The following RELB variants were observed in gnomAD, a reference collection of about 807,000 sequenced individuals.
The protein encoded by RELB is transcription factor RelB.
A neutral mutation model predicts 55.4 loss-of-function variants in RELB; 14 were observed. That is an observed-to-expected ratio of 0.25 (90% confidence interval 0.17 to 0.40). RELB has a LOEUF of 0.40. RELB is among the 10% of genes least tolerant of loss of function. RELB has a pLI of 1.00. For synonymous variants in RELB, 409 were observed against 371.3 expected, an observed-to-expected ratio of 1.10 and a Z score of -1.17; for missense variants, 669 against 830.7, an observed-to-expected ratio of 0.81 and a Z score of 2.39.
chr19:45,025,481 C>T (rs1170227998), intron 6 of RELB, 61 bp downstream of exon 6: 24 of 1,561,622 alleles, frequency 1.5e-5, no homozygotes, highest in Non-Finnish European at 2.0e-5. Flanking sequence ...CTTCCGTGCT[C>T]ACCCTGGTCC....
At position 45,018,802 on chromosome 19, in the gene RELB, G is replaced by A. The variant is rs540809690; in HGVS notation, c.505-3251G>A. 2.8e-3 allele frequency among the ~76,000 whole-genome samples: 418 copies of A among 151,232 alleles called. 2 individuals carry two copies. In the Middle Eastern group the frequency reaches 0.034, roughly 12 times the overall value. ...AGCGATTCTCCTGCCTCAGCCTCCC[G>A]AGTAGCTGGGATTACAGACATGTGC... On this transcript the variant is annotated intron_variant, in intron 4 of 11. Transcript: ENST00000221452.
chr19:45,035,850 A>G (rs1971679757), intron 11 of RELB, among the ~76,000 whole-genome samples: 1 of 152,168 alleles, frequency 6.6e-6, no homozygotes. Context: ...AAAACAGTCC[A>G]TAGGTAGGTG....
intron 11 of RELB, among the ~76,000 whole-genome samples, chr19:45,035,224 A>T: frequency 6.6e-6 from 1 of 152,176 alleles, no homozygotes; most frequent in East Asian, 1.9e-4. Flanking sequence ...CTTGTCTCAC[A>T]TACATAGTCT....
chr19:45,009,128 TG>T (rs1229738658), intron 2 of RELB, among the ~76,000 whole-genome samples: 8 of 152,188 alleles, frequency 5.3e-5, no homozygotes, highest in African/African-American at 1.9e-4. Context: ...TTGTCCAGGC[TG>T]GAGTGCAGTG....
chr19:45,028,821 G>A, intron 7 of RELB, 67 bp from the exon 8 acceptor site: 1 of 1,389,912 alleles, frequency 7.2e-7, no homozygotes, highest in South Asian at 1.2e-5. Context: ...TGGGTGCCCA[G>A]TAAGGCTTTG....
intron 11 of RELB, among the ~76,000 whole-genome samples, chr19:45,035,194 A>T (rs952189746): frequency 6.6e-6 from 1 of 152,088 alleles, no homozygotes; most frequent in Non-Finnish European, 1.5e-5. Flanking sequence ...CAGGGGCTTC[A>T]ACAGGATAGA....
rs1006722368 is a variant in RELB at position 45,012,519 on chromosome 19, G to A, written c.504+243G>A. 5.3e-5 allele frequency among the ~76,000 whole-genome samples: 8 copies of A among 152,078 alleles called. No homozygotes were observed. In the South Asian group the frequency reaches 1.7e-3, roughly 32 times the overall value. On this transcript the variant is annotated intron_variant, in intron 4 of 11. Coordinates refer to ENST00000221452, the MANE Select transcript of RELB (RefSeq NM_006509.4). ...AGTACTTTGGGAGTCTGAGGCGGGCGGATCCCTTGATGTCAGGAGTTCGAG... is the reference window on the plus strand; with the variant it reads ...AGTACTTTGGGAGTCTGAGGCGGGCAGATCCCTTGATGTCAGGAGTTCGAG...
At chr19:45,006,591 A>G (rs1254495174) in intron 2 of RELB, among the ~76,000 whole-genome samples, 1 of 152,078 alleles carries the variant, frequency 6.6e-6, no homozygotes, top group Non-Finnish European at 1.5e-5. Context: ...CCACTCTTCA[A>G]TGCTCCCAGT....
At chr19:45,030,211 G>T (rs1035980543) in intron 8 of RELB, among the ~76,000 whole-genome samples, 2 of 150,854 alleles carry the variant, frequency 1.3e-5, no homozygotes, top group Admixed American at 1.3e-4. Context: ...GGTGGCTCAT[G>T]CCTGTAATTC....
At chr19:45,010,702 G>C (rs144552550) in intron 3 of RELB, among the ~76,000 whole-genome samples, 83 of 152,208 alleles carry the variant, frequency 5.5e-4, no homozygotes, top group African/African-American at 2.0e-3. Context: ...TTTTGAGACA[G>C]AGTCTCGCTC....
At chr19:45,009,909 G>A in intron 3 of RELB, 87 bp downstream of exon 3, 6 of 1,294,820 alleles carry the variant, frequency 4.6e-6, no homozygotes, top group Non-Finnish European at 6.6e-6. Context: ...TTCAGTGGGG[G>A]TGGGGGAGAG....
chr19:45,020,044 C>T (rs1971464637), intron 4 of RELB, among the ~76,000 whole-genome samples: 1 of 152,028 alleles, frequency 6.6e-6, no homozygotes, highest in Non-Finnish European at 1.5e-5. Flanking sequence ...AGGCGTGAGC[C>T]ACTGTGCGCA....
chr19:45,016,104 C>A (rs1971418599), intron 4 of RELB, among the ~76,000 whole-genome samples: 1 of 152,026 alleles, frequency 6.6e-6, no homozygotes, highest in African/African-American at 2.4e-5. Flanking sequence ...CCTGCCTCAG[C>A]CTCCCGGGTA....
chr19:45,011,228 T>C (rs1252104812), intron 3 of RELB, among the ~76,000 whole-genome samples: 2 of 151,812 alleles, frequency 1.3e-5, no homozygotes, highest in Non-Finnish European at 2.9e-5. Flanking sequence ...AGTGACGCAA[T>C]CTCGGCTCAC....
chr19:45,014,315 G>A (rs1369377105), intron 4 of RELB, among the ~76,000 whole-genome samples: 3 of 151,556 alleles, frequency 2.0e-5, no homozygotes, highest in Non-Finnish European at 4.4e-5. Context: ...GACTACAGGT[G>A]CATGCCACCG....
intron 11 of RELB, among the ~76,000 whole-genome samples, chr19:45,035,893 C>T (rs922768619): frequency 1.2e-4 from 19 of 152,178 alleles, no homozygotes; most frequent in African/African-American, 4.3e-4. Flanking sequence ...GCATGATCAT[C>T]GAGAGACCGA....
At chr19:45,002,191 C>T (rs1485167489) in intron 1 of RELB, among the ~76,000 whole-genome samples, 1 of 135,960 alleles carries the variant, frequency 7.4e-6, no homozygotes, top group Non-Finnish European at 1.5e-5. Flanking sequence ...TGACTCTGGC[C>T]GAGTGGAGGG....
At chr19:45,030,192 G>A (rs780859487) in intron 8 of RELB, among the ~76,000 whole-genome samples, 72 of 150,916 alleles carry the variant, frequency 4.8e-4, no homozygotes, top group Non-Finnish European at 6.2e-4. Context: ...AAAACAAACC[G>A]GCTGGGCTGG....
chr19:45,012,451 G>A (rs1446489156), intron 4 of RELB, among the ~76,000 whole-genome samples, 175 bp downstream of exon 4: 1 of 152,130 alleles, frequency 6.6e-6, no homozygotes, highest in East Asian at 1.9e-4. Flanking sequence ...AAAAGGAGGG[G>A]TCGGACATTT....
Sources: allele counts gnomAD v4.1 joint callset (sites outside exome capture counted in the v4.1 genomes callset), GRCh38; gene constraint gnomAD v4.1.1; transcripts MANE v1.5; gene names NCBI Gene and HGNC (gene_info 2026-07-23, HGNC 2026-07-21).